Variants in MYLK2 observed in about 807,000 individuals in gnomAD.
MYLK2 encodes myosin light chain kinase 2.
Under a neutral mutation model 58.2 loss-of-function variants are expected in MYLK2, and 27 were observed. That is an observed-to-expected ratio of 0.46 (90% CI 0.34 to 0.64). The LOEUF (loss-of-function observed/expected upper bound fraction) is 0.64. Ranked by LOEUF, MYLK2 falls within the 30% of genes least tolerant of loss-of-function variation. MYLK2 has a pLI of 0.01. For missense variants in MYLK2, 676 were observed against 764.3 expected, an observed-to-expected ratio of 0.88 and a Z score of 1.36; for synonymous variants, 310 against 296.7, an observed-to-expected ratio of 1.04 and a Z score of -0.46.
intron 4 of MYLK2, 45 bp downstream of exon 4, chr20:31,821,782 G>A (rs780431078): frequency 2.0e-6 from 3 of 1,530,268 alleles, no homozygotes; most frequent in African/African-American, 2.8e-5. Context: ...TGGGGCCAGG[G>A]GGAGGGAAGG....
Position 31,826,855 on chromosome 20 carries a change from G to A in MYLK2, c.1141G>A (p.Val381Met), listed in dbSNP as rs1470480141. 3.7e-6 allele frequency: 6 copies of A among 1,614,028 alleles called. No individual in the cohort carries two copies. The highest frequency in any genetic ancestry group is 4.2e-6 in the Non-Finnish European group (5 of 1,180,028). Residue 381 changes from valine to methionine, a missense_variant, in exon 8 of 13, where the codon GTG becomes ATG. Val to Met is a conservative substitution (Grantham distance 21). This residue lies in a region of MYLK2 where 370 missense variants were observed against 467.8 expected (regional missense o/e 0.79). Transcript: ENST00000375985. ...GGATGAGGACTACCATCTGACCGAG[G>A]TGGACACCATGGTGTTTGTCAGGCA... ...IVDEDYHLTEVDTMVFVRQIC... is the reference protein window; with the variant it reads ...IVDEDYHLTEMDTMVFVRQIC...
Position 31,830,905 on chromosome 20 carries a change from G to C in MYLK2, c.1295+16G>C. 6.2e-7 allele frequency: 1 copy of C among 1,613,034 alleles called. No individual in the cohort carries two copies. Among genetic ancestry groups the C allele is most frequent in the Non-Finnish European group, 8.5e-7 (1 of 1,179,226 alleles). On this transcript the variant is annotated intron_variant, in intron 9 of 12. Coordinates refer to ENST00000375985, the MANE Select transcript of MYLK2 (RefSeq NM_033118.4). The stretch of plus-strand genomic sequence containing the variant: ...TGGCACGGAGGTACCACCTGGGTGG[G>C]TGGGGAGGGCAAGACAAGCCTCTGA...
At chr20:31,819,764 C>A in intron 2 of MYLK2, 132 bp downstream of exon 2, 2 of 1,141,964 alleles carry the variant, frequency 1.8e-6, no homozygotes, top group South Asian at 1.3e-5. Context: ...ACCCAGAAAT[C>A]AGAGGAATCT....
At chr20:31,828,196 G>A in intron 8 of MYLK2, 1 of 985,332 alleles carries the variant, frequency 1.0e-6, no homozygotes, top group Non-Finnish European at 1.2e-6. Flanking sequence ...CCACAGATAG[G>A]TGTATACATT....
intron 5 of MYLK2, 32 bp downstream of exon 5, chr20:31,823,614 G>A (rs370770386): frequency 1.9e-5 from 31 of 1,598,792 alleles, no homozygotes; most frequent in Non-Finnish European, 2.7e-5. Context: ...GGGCACTCAT[G>A]GACAGAGAGT....
intron 6 of MYLK2, among the ~76,000 whole-genome samples, chr20:31,825,243 T>A (rs955761890): frequency 1.3e-5 from 2 of 152,218 alleles, no homozygotes; most frequent in Non-Finnish European, 2.9e-5. Context: ...ATTTTCTATG[T>A]GACAACGTCC....
chr20:31,825,978 G>A (rs370781831), intron 6 of MYLK2, among the ~76,000 whole-genome samples: 4 of 152,172 alleles, frequency 2.6e-5, no homozygotes, highest in East Asian at 1.9e-4. Context: ...TAGCTTGAAG[G>A]TAGATGATGC....
chr20:31,821,828 T>G (rs1403293497), intron 4 of MYLK2, 91 bp downstream of exon 4: 1 of 1,301,896 alleles, frequency 7.7e-7, no homozygotes, highest in African/African-American at 1.5e-5. Flanking sequence ...TTCGGAGGTC[T>G]GAACTGCCCT....
Position 31,831,772 on chromosome 20 carries a change from C to T in MYLK2, c.1494C>T (p.Asn498=). 4 of 1,614,170 alleles carry T rather than the reference C, an allele frequency of 2.5e-6. No homozygotes were observed. The highest frequency in any genetic ancestry group is 3.4e-6 in the Non-Finnish European group (4 of 1,180,028). Residue 498 remains asparagine (N), a synonymous_variant, in exon 11 of 13, where the codon AAC becomes AAT. Transcript: ENST00000375985. ...TETLNNVLSG[N]WYFDEETFEA... ...CCCTAAACAACGTTCTATCTGGCAA[C>T]TGGTACTTTGATGAAGAGACCTTTG...
intron 4 of MYLK2, 98 bp downstream of exon 4, chr20:31,821,835 C>T (rs2062253731): frequency 2.4e-6 from 3 of 1,247,602 alleles, no homozygotes; most frequent in Admixed American, 2.5e-5. Flanking sequence ...GTCTGAACTG[C>T]CCTGAGCCAA....
intron 10 of MYLK2, among the ~76,000 whole-genome samples, 193 bp downstream of exon 10, chr20:31,831,334 C>T (rs2062305484): frequency 6.6e-6 from 1 of 151,822 alleles, no homozygotes; most frequent in South Asian, 2.1e-4. Context: ...GATGGAAAAA[C>T]CAAGGTCCCT....
At chr20:31,824,518 C>T (rs2062269138) in intron 6 of MYLK2, 166 bp downstream of exon 6, 1 of 985,336 alleles carries the variant, frequency 1.0e-6, no homozygotes. Flanking sequence ...AGCCCTGCAG[C>T]AGGGGCCTGA....
intron 6 of MYLK2, 133 bp from the exon 7 acceptor site, chr20:31,826,472 G>C: frequency 8.2e-7 from 1 of 1,212,874 alleles, no homozygotes; most frequent in Middle Eastern, 2.6e-4. Flanking sequence ...GTGGGGGAGA[G>C]AGGAGAGGCA....
At chr20:31,823,710 C>T (rs1284541401) in intron 5 of MYLK2, 128 bp downstream of exon 5, 7 of 983,832 alleles carry the variant, frequency 7.1e-6, no homozygotes, top group Admixed American at 5.9e-5. Context: ...GACATGTTCA[C>T]CTCTGTGTGG....
chr20:31,824,907 C>T (rs1265704865), intron 6 of MYLK2, among the ~76,000 whole-genome samples: 1 of 152,158 alleles, frequency 6.6e-6, no homozygotes, highest in Non-Finnish European at 1.5e-5. Context: ...AGGGAAACTG[C>T]GGGGTAGCAT....
chr20:31,831,193 G>A lies in MYLK2; in HGVS notation c.1424+52G>A, dbSNP rs140019824. ...TGGGGTTGGTGGGGCATGGGGGCGA[G>A]CGGCCGAGGCCAAGATTGGCCCTAG... On this transcript the variant is annotated intron_variant, in intron 10 of 12. Coordinates refer to ENST00000375985, the MANE Select transcript of MYLK2 (RefSeq NM_033118.4). The A allele has an allele frequency of 3.7e-3, 5,932 of 1,613,148 alleles. 18 individuals carry two copies. Among genetic ancestry groups the A allele is most frequent in the Middle Eastern group, 0.013 (81 of 6,030 alleles).
intron 12 of MYLK2, 139 bp downstream of exon 12, chr20:31,832,275 TTC>T: frequency 4.7e-6 from 6 of 1,290,106 alleles, no homozygotes; most frequent in Non-Finnish European, 6.5e-6. Context: ...GGGTTGACTT[TTC>T]TGTTTTTGCC....
chr20:31,832,350 C>T (rs2062311534), intron 12 of MYLK2, among the ~76,000 whole-genome samples: 1 of 152,198 alleles, frequency 6.6e-6, no homozygotes, highest in South Asian at 2.1e-4. Flanking sequence ...CCCCACCCAT[C>T]TGGGGCTCTG....
intron 8 of MYLK2, among the ~76,000 whole-genome samples, chr20:31,829,474 A>G (rs2123137953): frequency 6.6e-6 from 1 of 152,346 alleles, no homozygotes; most frequent in South Asian, 2.1e-4. Context: ...CCAAACTATT[A>G]AAATCATTAG....
Sources: gnomAD v4.1 joint callset for allele counts (sites outside exome capture counted in the v4.1 genomes callset) on GRCh38, gnomAD v4.1.1 for gene constraint, gnomAD v4.1.1 regional missense constraint, MANE v1.5 for transcripts, NCBI Gene and HGNC (gene_info 2026-07-23, HGNC 2026-07-21) for gene names.